Variants in ZSCAN18 observed in about 807,000 individuals in gnomAD.
The protein encoded by ZSCAN18 is zinc finger and SCAN domain containing 18.
Under a neutral mutation model 31.1 loss-of-function variants are expected in ZSCAN18, and 16 were observed. The observed-to-expected ratio is 0.51, with a 90% CI of 0.35 to 0.78. The LOEUF is 0.78. Among genes scored for constraint, ZSCAN18 ranks in the 30% least tolerant of loss-of-function variants. The pLI is 0.01. For missense variants in ZSCAN18, 731 were observed against 697.4 expected (o/e 1.05, Z -0.54); for synonymous variants, 375 against 320.7 (o/e 1.17, Z -1.81).
upstream of ZSCAN18, among the ~76,000 whole-genome samples, chr19:58,101,369 T>C (rs1305901974): frequency 6.7e-6 from 1 of 149,378 alleles, no homozygotes; most frequent in Non-Finnish European, 1.5e-5. Context: ...CAGGATGGTC[T>C]CGATCTCCTG....
chr19:58,100,758 C>T (rs1255368974), upstream of ZSCAN18, among the ~76,000 whole-genome samples: 2 of 151,442 alleles, frequency 1.3e-5, no homozygotes. Context: ...TGGCAGGTGC[C>T]TGTAATTGCA....
rs896669387 is a variant in ZSCAN18 at position 58,090,028 on chromosome 19, A to C, written c.240T>G (p.Pro80=). 6 of 1,613,868 alleles carry C rather than the reference A, an allele frequency of 3.7e-6. No homozygotes were observed. Among genetic ancestry groups the C allele is most frequent in the East Asian group, 2.2e-5 (1 of 44,900 alleles). Residue 80 remains proline, a synonymous_variant, in exon 2 of 7, where the codon CCT becomes CCG. Transcript: ENST00000601144. The surrounding 1 kb of genome is among the most constrained non-coding windows in gnomAD (Gnocchi z 4.7). ...GCATCTGCTCCTTGGAGCGCGCCTCAGGCATCAGCCACTGGCGGCACAGCT... is the reference window on the plus strand; with the variant it reads ...GCATCTGCTCCTTGGAGCGCGCCTCCGGCATCAGCCACTGGCGGCACAGCT... ...LHELCRQWLM[P]EARSKEQMLE... is the part of the protein sequence containing the mutation.
At chr19:58,094,918 G>A (rs904006108) in intron 1 of ZSCAN18, among the ~76,000 whole-genome samples, 10 of 150,164 alleles carry the variant, frequency 6.7e-5, no homozygotes, top group Admixed American at 1.3e-4. Flanking sequence ...TTAGCCAGGC[G>A]TGGTGGCACA....
At chr19:58,104,377 AAAAACAAAAC>A (rs143767774) in intron 1 of ZSCAN18, among the ~76,000 whole-genome samples, 6 of 144,656 alleles carry the variant, frequency 4.1e-5, no homozygotes, top group Non-Finnish European at 5.9e-5. Context: ...AGGCTGTCTC[AAAAACAAAAC>A]AAAACAAAAC....
chr19:58,096,412 C>G (rs2074521547), intron 1 of ZSCAN18, among the ~76,000 whole-genome samples: 2 of 152,214 alleles, frequency 1.3e-5, no homozygotes, highest in African/African-American at 4.8e-5. Flanking sequence ...ATGAAGCAAT[C>G]TGCACAAGTC....
At chr19:58,102,654 A>T (rs1421524923), upstream of ZSCAN18, among the ~76,000 whole-genome samples, 3 of 152,070 alleles carry the variant, frequency 2.0e-5, no homozygotes, top group Non-Finnish European at 4.4e-5. Context: ...CAGACTTGCC[A>T]TTTTGTACTG....
rs925175357 is a variant in ZSCAN18 at position 58,090,434 on chromosome 19, C to T, written c.-119-48G>A. 8.3e-6 allele frequency: 12 copies of T among 1,440,468 alleles called. No individual in the cohort carries two copies. Among genetic ancestry groups the T allele is most frequent in the Admixed American group, 5.6e-5 (2 of 35,506 alleles). 89.2% of individuals were successfully genotyped at this position (1,440,468 alleles called of 1,614,324 possible). On this transcript the variant is annotated intron_variant, in intron 1 of 6. Coordinates refer to ENST00000601144, the MANE Select transcript of ZSCAN18 (RefSeq NM_001145543.2). This position sits in a 1 kb window ranked among gnomAD's most constrained non-coding sequence, Gnocchi z 4.7. ...AATGGCCTTGCATAAGGCCAGGGCG[C>T]AGCCACCCCAGCTGCCAGAGAACAA... is the stretch of plus-strand genomic sequence containing the variant.
chr19:58,104,198 G>T (rs960248903), intron 1 of ZSCAN18, among the ~76,000 whole-genome samples: 45 of 152,266 alleles, frequency 3.0e-4, no homozygotes, highest in African/African-American at 1.1e-3. Context: ...AGCCAACATG[G>T]TGAAACCCCA....
intron 1 of ZSCAN18, among the ~76,000 whole-genome samples, chr19:58,116,105 G>A (rs1306201263): frequency 3.3e-5 from 5 of 150,872 alleles, no homozygotes; most frequent in Non-Finnish European, 5.9e-5. Context: ...AGCACATAAA[G>A]CATGCCAATT....
intron 1 of ZSCAN18, among the ~76,000 whole-genome samples, chr19:58,103,253 C>A (rs2074609426): frequency 6.6e-6 from 1 of 152,216 alleles, no homozygotes; most frequent in African/African-American, 2.4e-5. Flanking sequence ...TCTTTAGGTT[C>A]TGTGTCACGA....
At chr19:58,104,501 A>G (rs2074619393) in intron 1 of ZSCAN18, among the ~76,000 whole-genome samples, 1 of 151,914 alleles carries the variant, frequency 6.6e-6, no homozygotes. Flanking sequence ...GAGTTTGAGA[A>G]CAGCTTGGTC....
chr19:58,099,906 T>C (rs914709657), upstream of ZSCAN18, among the ~76,000 whole-genome samples: 2 of 152,180 alleles, frequency 1.3e-5, no homozygotes, highest in Non-Finnish European at 2.9e-5. Flanking sequence ...AAAGTATCTG[T>C]TCGTATCTTT....
At chr19:58,115,803 G>C (rs913466042) in intron 1 of ZSCAN18, among the ~76,000 whole-genome samples, 3 of 152,146 alleles carry the variant, frequency 2.0e-5, no homozygotes, top group African/African-American at 4.8e-5. Flanking sequence ...GTTACAGTTA[G>C]TATGCATGCA....
At chr19:58,103,893 C>T (rs1382288436) in intron 1 of ZSCAN18, among the ~76,000 whole-genome samples, 1 of 152,130 alleles carries the variant, frequency 6.6e-6, no homozygotes, top group Non-Finnish European at 1.5e-5. Flanking sequence ...AGTGTGACTC[C>T]AGTGAATATG....
At chr19:58,113,098 G>A (rs1212703283) in intron 1 of ZSCAN18, among the ~76,000 whole-genome samples, 4 of 151,588 alleles carry the variant, frequency 2.6e-5, no homozygotes, top group Non-Finnish European at 5.9e-5. Context: ...GGCAGATCAC[G>A]AGGTCAGGAG....
chr19:58,088,983 C>G (rs910720122), intron 2 of ZSCAN18, 146 bp from the exon 3 acceptor site: 3 of 735,224 alleles, frequency 4.1e-6, no homozygotes, highest in African/African-American at 3.5e-5. Flanking sequence ...GACCTCCAGC[C>G]TGCAAAGTAC....
intron 1 of ZSCAN18, among the ~76,000 whole-genome samples, chr19:58,113,292 G>T (rs12459081): frequency 0.2 from 31,068 of 151,626 alleles, 3,540 homozygotes; most frequent in Middle Eastern, 0.35. Context: ...CTCAAGCCTG[G>T]GTGACAAAGC....
At chr19:58,116,095 A>C (rs921254012) in intron 1 of ZSCAN18, among the ~76,000 whole-genome samples, 1 of 151,330 alleles carries the variant, frequency 6.6e-6, no homozygotes, top group Non-Finnish European at 1.5e-5. Flanking sequence ...AAAGTCTTGT[A>C]GCACATAAAG....
chr19:58,090,495 A>C lies in ZSCAN18; in HGVS notation c.-119-109T>G. 1 of 1,064,684 alleles carries C rather than the reference A, an allele frequency of 9.4e-7. No homozygotes were observed. Among genetic ancestry groups the C allele is most frequent in the Non-Finnish European group, 1.3e-6 (1 of 755,160 alleles). 66.0% of individuals were successfully genotyped at this position (1,064,684 alleles called of 1,614,324 possible). A position where few individuals can be genotyped will look rare whatever the true frequency, so the allele number is the denominator to read the frequency against. ...CCCAGAGTTCACACAGATTTCCAAGAAACCCGCTTGTTAGGCATCAGTAGA... is the reference window on the plus strand; with the variant it reads ...CCCAGAGTTCACACAGATTTCCAAGCAACCCGCTTGTTAGGCATCAGTAGA... On this transcript the variant is annotated intron_variant, in intron 1 of 6. Transcript: ENST00000601144. This position sits in a 1 kb window ranked among gnomAD's most constrained non-coding sequence, Gnocchi z 4.7.
Sources: gnomAD v4.1 joint callset for allele counts (sites outside exome capture counted in the v4.1 genomes callset) on GRCh38, gnomAD v4.1.1 for gene constraint, Gnocchi (gnomAD v3.1) non-coding constraint, MANE v1.5 for transcripts, NCBI Gene and HGNC (gene_info 2026-07-23, HGNC 2026-07-21) for gene names.